Variants in ERBB4 observed in about 807,000 individuals in gnomAD.
The protein encoded by ERBB4 is erb-b2 receptor tyrosine kinase 4, also known as receptor tyrosine-protein kinase erbB-4.
Under a neutral mutation model 158.0 loss-of-function variants are expected in ERBB4, and 42 were observed. That is an observed-to-expected ratio of 0.27 (90% CI 0.21 to 0.34). ERBB4 has a LOEUF of 0.34. Among genes scored for constraint, ERBB4 ranks in the 10% least tolerant of loss-of-function variants. ERBB4 has a pLI of 1.00. For missense variants in ERBB4, 1,333 were observed against 1,624.1 expected (o/e 0.82, Z 3.08); for synonymous variants, 583 against 558.7 (o/e 1.04, Z -0.61).
At chr2:211,724,062 C>G (rs916050548) in intron 6 of ERBB4, among the ~76,000 whole-genome samples, 1 of 152,156 alleles carries the variant, frequency 6.6e-6, no homozygotes, top group Admixed American at 6.5e-5. Context: ...AATGAAACAC[C>G]TGCAGTGTTC....
At chr2:211,687,984 C>A (rs546784560) in intron 12 of ERBB4, among the ~76,000 whole-genome samples, 2 of 152,324 alleles carry the variant, frequency 1.3e-5, no homozygotes, top group Non-Finnish European at 2.9e-5. Context: ...TACCACTTCA[C>A]ATCTATTCTA....
intron 7 of ERBB4, 78 bp downstream of exon 7, chr2:211,722,315 T>A: frequency 4.3e-6 from 5 of 1,175,500 alleles, no homozygotes; most frequent in Non-Finnish European, 6.3e-6. Flanking sequence ...AGTTTCACAT[T>A]AAAATAAACT....
chr2:211,996,452 A>G (rs2082202392), intron 2 of ERBB4, among the ~76,000 whole-genome samples: 1 of 152,168 alleles, frequency 6.6e-6, no homozygotes, highest in Admixed American at 6.5e-5. Context: ...ATTTATAATA[A>G]GAAGTTACCT....
intron 1 of ERBB4, among the ~76,000 whole-genome samples, chr2:212,165,013 T>G (rs572501895): frequency 6.6e-6 from 1 of 151,568 alleles, no homozygotes; most frequent in Non-Finnish European, 1.5e-5. Flanking sequence ...ATGAAGAAAA[T>G]AAAAGACCAT....
intron 1 of ERBB4, among the ~76,000 whole-genome samples, chr2:212,400,368 A>G (rs116004530): frequency 0.011 from 1,632 of 152,262 alleles, 31 homozygotes; most frequent in African/African-American, 0.037. Flanking sequence ...GTAAGAATCA[A>G]TAGGACTTAG....
chr2:211,902,649 GA>G (rs1356625057), intron 3 of ERBB4, among the ~76,000 whole-genome samples: 2 of 151,530 alleles, frequency 1.3e-5, no homozygotes, highest in East Asian at 3.9e-4. Context: ...AAAGTATTGA[GA>G]AGCAAATTTA....
chr2:212,095,638 G>A (rs570218619), intron 2 of ERBB4, among the ~76,000 whole-genome samples: 2 of 151,870 alleles, frequency 1.3e-5, no homozygotes, highest in African/African-American at 2.4e-5. Flanking sequence ...CAATTTCTTA[G>A]ACAGTAAATT....
At chr2:212,521,136 G>A (rs563901939) in intron 1 of ERBB4, among the ~76,000 whole-genome samples, 2 of 151,934 alleles carry the variant, frequency 1.3e-5, no homozygotes, top group South Asian at 4.1e-4. Flanking sequence ...CCTATAAAAT[G>A]TAACATAAAA....
At chr2:212,081,790 G>C (rs552685039) in intron 2 of ERBB4, among the ~76,000 whole-genome samples, 1 of 152,176 alleles carries the variant, frequency 6.6e-6, no homozygotes, top group African/African-American at 2.4e-5. Context: ...CATTTCCAGG[G>C]AAAGTTAAGA....
chr2:211,666,495 A>C (rs535500981), intron 14 of ERBB4, among the ~76,000 whole-genome samples: 43 of 152,342 alleles, frequency 2.8e-4, no homozygotes, highest in African/African-American at 1.0e-3. Context: ...AAACTAAAAC[A>C]TATATGAATT....
chr2:211,736,184 A>G (rs1279012552), intron 5 of ERBB4, among the ~76,000 whole-genome samples: 1 of 151,044 alleles, frequency 6.6e-6, no homozygotes, highest in Non-Finnish European at 1.5e-5. Flanking sequence ...AAAAAAAAAA[A>G]GATAATCATG....
At chr2:212,052,861 G>C (rs564589803) in intron 2 of ERBB4, among the ~76,000 whole-genome samples, 7 of 152,308 alleles carry the variant, frequency 4.6e-5, no homozygotes, top group Admixed American at 4.6e-4. Context: ...GTTGCTCAGA[G>C]AGGTGAATGT....
At chr2:212,266,569 T>C (rs1559882646) in intron 1 of ERBB4, among the ~76,000 whole-genome samples, 2 of 151,960 alleles carry the variant, frequency 1.3e-5, no homozygotes, top group African/African-American at 2.4e-5. Context: ...AAGAATGCTT[T>C]CAAATGGAAC....
At chr2:212,502,447 G>A (rs1261677667) in intron 1 of ERBB4, among the ~76,000 whole-genome samples, 1 of 152,054 alleles carries the variant, frequency 6.6e-6, no homozygotes, top group Non-Finnish European at 1.5e-5. Context: ...AGCATACTAT[G>A]GCAAACAGAA....
chr2:212,389,711 A>G (rs1265748388), intron 1 of ERBB4, among the ~76,000 whole-genome samples: 1 of 151,986 alleles, frequency 6.6e-6, no homozygotes, highest in Non-Finnish European at 1.5e-5. Context: ...TATTTTAGTA[A>G]CCATTTGTTG....
chr2:211,532,300 T>C (rs2125665069), intron 20 of ERBB4, among the ~76,000 whole-genome samples: 1 of 152,224 alleles, frequency 6.6e-6, no homozygotes, highest in Middle Eastern at 3.4e-3. Flanking sequence ...TTAGATTGTT[T>C]GTAACTCAAA....
chr2:211,633,358 A>G (rs1365607644), intron 16 of ERBB4, among the ~76,000 whole-genome samples: 1 of 152,020 alleles, frequency 6.6e-6, no homozygotes, highest in Non-Finnish European at 1.5e-5. Context: ...ACATATTCAT[A>G]TATGTCTACA....
chr2:211,745,663 G>C (rs1233974108), intron 5 of ERBB4, among the ~76,000 whole-genome samples: 2 of 145,590 alleles, frequency 1.4e-5, no homozygotes, highest in African/African-American at 5.1e-5. Flanking sequence ...AATTATTTAA[G>C]AGCTTCAACT....
chr2:211,615,198 A>G (rs990849442), intron 19 of ERBB4, among the ~76,000 whole-genome samples: 3 of 152,082 alleles, frequency 2.0e-5, no homozygotes, highest in Non-Finnish European at 4.4e-5. Context: ...AATACTGGGG[A>G]AAAATACAGA....
Sources: allele counts gnomAD v4.1 joint callset (sites outside exome capture counted in the v4.1 genomes callset), GRCh38; gene constraint gnomAD v4.1.1; transcripts MANE v1.5; gene names NCBI Gene and HGNC (gene_info 2026-07-23, HGNC 2026-07-21).